The following TSGA10IP variants were observed in gnomAD, a reference collection of about 807,000 sequenced individuals.
The protein encoded by TSGA10IP is testis specific 10 interacting protein.
Under a neutral mutation model 63.2 loss-of-function variants are expected in TSGA10IP, and 64 were observed. That is an observed-to-expected ratio of 1.01 (90% CI 0.83 to 1.25). The LOEUF (loss-of-function observed/expected upper bound fraction) is 1.25. TSGA10IP is among the 50% of genes most tolerant of loss of function. TSGA10IP has a pLI of 0.00. For synonymous variants in TSGA10IP, 316 were observed against 298.3 expected (o/e 1.06, Z -0.61); for missense variants, 681 against 710.1 (o/e 0.96, Z 0.47).
At chr11:65,955,230 G>T (rs949221101) in intron 5 of TSGA10IP, among the ~76,000 whole-genome samples, 4 of 148,854 alleles carry the variant, frequency 2.7e-5, no homozygotes, top group Non-Finnish European at 4.5e-5. Flanking sequence ...AGGGGCTTTT[G>T]TTTTTTTTTT....
intron 1 of TSGA10IP, among the ~76,000 whole-genome samples, chr11:65,946,139 C>T (rs906560896): frequency 8.5e-5 from 13 of 152,246 alleles, no homozygotes; most frequent in African/African-American, 3.1e-4. Context: ...AGGTCCAGGG[C>T]CCAGTGGGAC....
chr11:65,955,519 G>A (rs954344030), intron 5 of TSGA10IP, among the ~76,000 whole-genome samples: 7 of 151,804 alleles, frequency 4.6e-5, no homozygotes, highest in African/African-American at 1.5e-4. Flanking sequence ...AGGCTGAGGC[G>A]GGAGAATCAC....
chr11:65,956,456 C>T (rs1018104802), intron 5 of TSGA10IP, among the ~76,000 whole-genome samples: 1 of 148,546 alleles, frequency 6.7e-6, no homozygotes, highest in African/African-American at 2.5e-5. Context: ...TCTTAATCAC[C>T]CCAATTTTAC....
chr11:65,955,041 G>C (rs997154864), intron 5 of TSGA10IP, among the ~76,000 whole-genome samples: 1 of 152,194 alleles, frequency 6.6e-6, no homozygotes, highest in African/African-American at 2.4e-5. Flanking sequence ...CTACCTAGGG[G>C]TGTGTTTTTT....
chr11:65,947,282 A>C, exon 3 of TSGA10IP: 1 of 1,612,354 alleles, frequency 6.2e-7, no homozygotes, highest in South Asian at 1.1e-5. Context: ...GTCCACGGCC[A>C]ACCTCCCAGA....
chr11:65,956,478 C>T (rs1355102375), intron 5 of TSGA10IP, among the ~76,000 whole-genome samples: 2 of 150,552 alleles, frequency 1.3e-5, no homozygotes, highest in Admixed American at 6.6e-5. Context: ...GATTTGGAAA[C>T]AGAGGCTCTG....
exon 3 of TSGA10IP, chr11:65,947,393 C>G (rs757906922): frequency 1.2e-6 from 2 of 1,613,016 alleles, no homozygotes; most frequent in Non-Finnish European, 1.7e-6. Flanking sequence ...CAAAGGGGAG[C>G]TAGGATCAGA....
intron 5 of TSGA10IP, 35 bp from the exon 6 acceptor site, chr11:65,958,848 A>C: frequency 6.3e-7 from 1 of 1,582,494 alleles, no homozygotes; most frequent in African/African-American, 1.3e-5. Flanking sequence ...AGTTGTGTCC[A>C]TGGTTAGCTG....
At chr11:65,951,614 T>C (rs1044963374) in intron 4 of TSGA10IP, among the ~76,000 whole-genome samples, 3 of 151,616 alleles carry the variant, frequency 2.0e-5, no homozygotes, top group African/African-American at 7.3e-5. Flanking sequence ...CATAGCTCAC[T>C]GCAGCTTTGA....
chr11:65,950,651 C>A (rs1854926851), intron 4 of TSGA10IP, among the ~76,000 whole-genome samples: 2 of 152,034 alleles, frequency 1.3e-5, no homozygotes, highest in South Asian at 4.1e-4. Context: ...CAAGCTCCGC[C>A]TCCCGGGTTC....
At chr11:65,948,946 G>C (rs1854894977) in intron 4 of TSGA10IP, among the ~76,000 whole-genome samples, 1 of 151,802 alleles carries the variant, frequency 6.6e-6, no homozygotes, top group African/African-American at 2.4e-5. Flanking sequence ...CTGCACTCCA[G>C]CCTGGGTGAC....
chr11:65,949,190 C>T (rs115433980), intron 4 of TSGA10IP, among the ~76,000 whole-genome samples: 2,985 of 152,018 alleles, frequency 0.02, 25 homozygotes, highest in Non-Finnish European at 0.024. Context: ...GACAACAGAG[C>T]GAGCCTCTGT....
intron 5 of TSGA10IP, among the ~76,000 whole-genome samples, chr11:65,953,959 G>A (rs1854985944): frequency 6.6e-6 from 1 of 152,210 alleles, no homozygotes. Flanking sequence ...AATGGTCAAG[G>A]TTAAAATATT....
rs190061003 is a variant in TSGA10IP at position 65,949,574 on chromosome 11, G to A, written c.1151+1426G>A. On this transcript the variant is annotated intron_variant, in intron 4 of 7. Transcript: ENST00000532620. ...TGGGACTACAGGAGCCCACCACCACGCCTGGCTAATTTTTGTATTTTTAGT... is the reference window on the plus strand; with the variant it reads ...TGGGACTACAGGAGCCCACCACCACACCTGGCTAATTTTTGTATTTTTAGT... Among the ~76,000 whole-genome samples, 200 of 151,684 alleles carry A rather than the reference G, an allele frequency of 1.3e-3. 1 individual carries two copies. The highest frequency in any genetic ancestry group is 4.6e-3 in the African/African-American group (189 of 41,352).
At chr11:65,947,718 G>C in exon 3 of TSGA10IP, 1 of 1,595,976 alleles carries the variant, frequency 6.3e-7, no homozygotes. Context: ...AGCAGCCCCA[G>C]CTTCAACAAC....
At chr11:65,956,306 T>A (rs1185144528) in intron 5 of TSGA10IP, among the ~76,000 whole-genome samples, 1 of 151,438 alleles carries the variant, frequency 6.6e-6, no homozygotes, top group East Asian at 2.0e-4. Flanking sequence ...CCCGGCTAAT[T>A]TTGTATTTTT....
chr11:65,947,397 G>T, exon 3 of TSGA10IP: 1 of 1,613,210 alleles, frequency 6.2e-7, no homozygotes. Flanking sequence ...GGGGAGCTAG[G>T]ATCAGAGCCC....
At chr11:65,953,639 A>T (rs758881123) in exon 5 of TSGA10IP, 2 of 1,590,146 alleles carry the variant, frequency 1.3e-6, no homozygotes, top group South Asian at 2.2e-5. Flanking sequence ...GGGCCCGGAC[A>T]CAGCATGTAC....
At chr11:65,958,473 A>C (rs149251482) in intron 5 of TSGA10IP, among the ~76,000 whole-genome samples, 2 of 152,292 alleles carry the variant, frequency 1.3e-5, no homozygotes, top group Non-Finnish European at 2.9e-5. Flanking sequence ...GGCCTCACCC[A>C]AAGTCACACA....
Sources: allele counts gnomAD v4.1 joint callset (sites outside exome capture counted in the v4.1 genomes callset), GRCh38; gene constraint gnomAD v4.1.1; transcripts MANE v1.5; gene names NCBI Gene and HGNC (gene_info 2026-07-23, HGNC 2026-07-21).